The following PXDNL variants were observed in gnomAD, a reference collection of about 807,000 sequenced individuals.
The protein encoded by PXDNL is peroxidasin like, also known as probable oxidoreductase PXDNL.
A neutral mutation model predicts 150.8 loss-of-function variants in PXDNL; 145 were observed. The observed-to-expected ratio is 0.96, with a 90% CI of 0.84 to 1.10. The LOEUF is 1.10. PXDNL is among the 50% of genes least tolerant of loss of function. PXDNL has a pLI of 0.00. For missense variants in PXDNL, 2,087 were observed against 1,873.9 expected, an observed-to-expected ratio of 1.11 and a Z score of -2.10; for synonymous variants, 757 against 725.7, an observed-to-expected ratio of 1.04 and a Z score of -0.69.
At chr8:51,627,441 T>G (rs6986081) in intron 2 of PXDNL, among the ~76,000 whole-genome samples, 15,104 of 152,192 alleles carry the variant, frequency 0.099, 880 homozygotes, top group East Asian at 0.14. Context: ...GAATACACAT[T>G]GAATATCAAT....
intron 1 of PXDNL, among the ~76,000 whole-genome samples, chr8:51,716,474 TG>T (rs1164245016): frequency 6.6e-6 from 1 of 152,228 alleles, no homozygotes; most frequent in Non-Finnish European, 1.5e-5. Flanking sequence ...ATTCACTTCA[TG>T]CTATGTGTTT....
intron 9 of PXDNL, among the ~76,000 whole-genome samples, chr8:51,454,883 C>T (rs947005202): frequency 1.2e-4 from 18 of 152,138 alleles, no homozygotes; most frequent in African/African-American, 3.4e-4. Flanking sequence ...AAAACCACAA[C>T]ATGCCTCGGA....
rs1814530831 is a variant in PXDNL at position 51,633,302 on chromosome 8, G to A, written c.236+21387C>T. Among the ~76,000 whole-genome samples the A allele has an allele frequency of 2.0e-5, 3 of 152,142 alleles. No individual in the cohort carries two copies. In the South Asian group the frequency reaches 6.2e-4, roughly 32 times the overall value. On this transcript the variant is annotated intron_variant, in intron 2 of 22. Transcript: ENST00000356297. Reference sequence around the variant, plus strand: ...CATTTTCTGTATCCAATCCACTGTTGATAGGCACCTAGGTTGATTCTGTCT... The same window carrying A: ...CATTTTCTGTATCCAATCCACTGTTAATAGGCACCTAGGTTGATTCTGTCT...
intron 2 of PXDNL, among the ~76,000 whole-genome samples, chr8:51,654,275 C>T (rs569696614): frequency 1.3e-5 from 2 of 152,166 alleles, no homozygotes; most frequent in Admixed American, 6.5e-5. Context: ...GATTCTAAAG[C>T]TATTCTTTGT....
chr8:51,559,519 A>G (rs1349876140), intron 3 of PXDNL, among the ~76,000 whole-genome samples: 1 of 152,018 alleles, frequency 6.6e-6, no homozygotes. Context: ...CACCCAGAGC[A>G]CAATCTACCA....
chr8:51,499,599 G>A, intron 5 of PXDNL, 100 bp downstream of exon 5: 2 of 833,310 alleles, frequency 2.4e-6, no homozygotes, highest in East Asian at 2.5e-5. Context: ...TGCCTCTAAA[G>A]CTTACAGCAA....
At chr8:51,472,007 A>G (rs190133045) in intron 8 of PXDNL, among the ~76,000 whole-genome samples, 180 bp downstream of exon 8, 92 of 152,266 alleles carry the variant, frequency 6.0e-4, no homozygotes, top group Middle Eastern at 3.4e-3. Context: ...TGTAAGTTTT[A>G]AGAAAAAGGC....
intron 2 of PXDNL, among the ~76,000 whole-genome samples, chr8:51,644,337 T>TATATAC (rs762947295): frequency 1.2e-4 from 6 of 50,196 alleles, no homozygotes; most frequent in African/African-American, 2.8e-4. Context: ...TATATATATA[T>TATATAC]ACACACACAC....
intron 2 of PXDNL, among the ~76,000 whole-genome samples, chr8:51,613,633 A>G (rs931163606): frequency 2.0e-5 from 3 of 152,162 alleles, no homozygotes; most frequent in Admixed American, 2.0e-4. Context: ...ACTGCTTCTC[A>G]TGGACGTTGA....
At chr8:51,344,951 T>G (rs1806099687) in intron 20 of PXDNL, among the ~76,000 whole-genome samples, 1 of 152,158 alleles carries the variant, frequency 6.6e-6, no homozygotes, top group Non-Finnish European at 1.5e-5. Flanking sequence ...CAACACTATC[T>G]CCTCTCCTCA....
At chr8:51,572,674 T>C (rs1260616013) in intron 3 of PXDNL, among the ~76,000 whole-genome samples, 1 of 152,024 alleles carries the variant, frequency 6.6e-6, no homozygotes, top group Admixed American at 6.6e-5. Context: ...TACTGCTTAG[T>C]ACTTAATGAT....
At position 51,453,057 on chromosome 8, in the gene PXDNL, A is replaced by C. The variant is rs187086144; in HGVS notation, c.1249+462T>G. On this transcript the variant is annotated intron_variant, in intron 10 of 22. Coordinates refer to ENST00000356297, the MANE Select transcript of PXDNL (RefSeq NM_144651.5). Reference sequence around the variant, plus strand: ...ACACGATTGCATGCCCATGCATATAAATTAATTTCTGGATTCAGAATAGTT... The same window carrying C: ...ACACGATTGCATGCCCATGCATATACATTAATTTCTGGATTCAGAATAGTT... Among the ~76,000 whole-genome samples the C allele has an allele frequency of 1.2e-3, 188 of 152,312 alleles. 1 individual carries two copies. The highest frequency in any genetic ancestry group is 4.0e-3 in the African/African-American group (168 of 41,584).
intron 21 of PXDNL, among the ~76,000 whole-genome samples, chr8:51,328,720 C>T (rs1404218883): frequency 6.6e-6 from 1 of 152,124 alleles, no homozygotes; most frequent in Non-Finnish European, 1.5e-5. Context: ...GCATGACAAA[C>T]TACTAGGTGT....
At position 51,319,811 on chromosome 8, in the gene PXDNL, T is replaced by G; in HGVS notation, c.*80A>C. The G allele has an allele frequency of 7.6e-7, 1 of 1,312,910 alleles. No homozygotes were observed. The highest frequency in any genetic ancestry group is 1.0e-6 in the Non-Finnish European group (1 of 1,000,200). The allele number at this position is 1,312,910 out of a possible 1,614,324, so 81.3% of individuals were successfully genotyped here. On this transcript the variant is annotated 3_prime_UTR_variant, in exon 23 of 23. Transcript: ENST00000356297. ...GTGGTTTCCATATCAACAATGTGAC[T>G]ACAAGTTAAAAGTTCTGAAGTCCTA...
At chr8:51,475,814 T>C (rs976975249) in intron 6 of PXDNL, among the ~76,000 whole-genome samples, 5 of 151,082 alleles carry the variant, frequency 3.3e-5, no homozygotes, top group African/African-American at 9.7e-5. Flanking sequence ...GTGTCTATCG[T>C]TGTCATTTTT....
intron 2 of PXDNL, among the ~76,000 whole-genome samples, chr8:51,620,898 C>T (rs1474609681): frequency 6.6e-6 from 1 of 152,092 alleles, no homozygotes; most frequent in African/African-American, 2.4e-5. Context: ...TGAATAAATT[C>T]CTTTTGTGCA....
chr8:51,760,305 G>A (rs769332734), intron 1 of PXDNL, among the ~76,000 whole-genome samples: 1 of 151,928 alleles, frequency 6.6e-6, no homozygotes, highest in Non-Finnish European at 1.5e-5. Flanking sequence ...GAAGGAATAA[G>A]AGAGTTAGTG....
intron 12 of PXDNL, among the ~76,000 whole-genome samples, chr8:51,433,360 CT>C: frequency 6.6e-6 from 1 of 151,818 alleles, no homozygotes; most frequent in African/African-American, 2.4e-5. Flanking sequence ...AAGATCTTCT[CT>C]TAATAATTAG....
At chr8:51,498,928 G>A (rs1381078869) in intron 5 of PXDNL, among the ~76,000 whole-genome samples, 1 of 152,120 alleles carries the variant, frequency 6.6e-6, no homozygotes, top group Non-Finnish European at 1.5e-5. Context: ...ATATACAACA[G>A]CTTATTTCTC....
Sources: gnomAD v4.1 joint callset for allele counts (sites outside exome capture counted in the v4.1 genomes callset) on GRCh38, gnomAD v4.1.1 for gene constraint, MANE v1.5 for transcripts, NCBI Gene and HGNC (gene_info 2026-07-23, HGNC 2026-07-21) for gene names.